DAB1: variants seen among roughly 807,000 people sequenced by gnomAD.
DAB1 encodes disabled homolog 1.
A neutral mutation model predicts 64.6 loss-of-function variants in DAB1; 15 were observed. The ratio of observed to expected loss-of-function variants is 0.23; its 90% CI spans 0.16 to 0.36. The LOEUF is 0.36. DAB1 is among the 10% of genes least tolerant of loss of function. The pLI, the probability that DAB1 is intolerant of heterozygous loss-of-function variation, is 1.00. For synonymous variants in DAB1, 235 were observed against 251.9 expected, an observed-to-expected ratio of 0.93 and a Z score of 0.64; for missense variants, 596 against 706.7, an observed-to-expected ratio of 0.84 and a Z score of 1.78.
chr1:58,024,523 T>C (rs1479529122), intron 5 of DAB1, among the ~76,000 whole-genome samples: 1 of 152,228 alleles, frequency 6.6e-6, no homozygotes, highest in Non-Finnish European at 1.5e-5. Context: ...GCAAACATTC[T>C]ATACACCCAC....
chr1:57,816,895 CAA>C (rs1232795798), intron 6 of DAB1, among the ~76,000 whole-genome samples: 9 of 152,184 alleles, frequency 5.9e-5, no homozygotes, highest in African/African-American at 1.9e-4. Context: ...GAGCAGTAAA[CAA>C]AAGTGTCCTT....
rs1364936911 is a variant in DAB1 at position 57,200,586 on chromosome 1, G to A, written c.68-55157C>T. On this transcript the variant is annotated intron_variant, in intron 2 of 14. Transcript: ENST00000371236. ...CTTTCTGGGTGTCAGTTTCCTCATA[G>A]GAGTGTGGTGAGGTCTAAATGAGTT... Among the ~76,000 whole-genome samples the A allele has an allele frequency of 3.4e-5, 5 of 148,024 alleles. No individual in the cohort carries two copies. The East Asian group carries it at 1.0e-3, about 30-fold the overall frequency.
At chr1:57,055,319 T>C (rs1164141009) in intron 9 of DAB1, among the ~76,000 whole-genome samples, 1 of 152,072 alleles carries the variant, frequency 6.6e-6, no homozygotes, top group Non-Finnish European at 1.5e-5. Flanking sequence ...TGAGAACAAA[T>C]CTGCTAGAAA....
chr1:58,063,709 C>A (rs1648657379), intron 5 of DAB1, among the ~76,000 whole-genome samples: 1 of 152,186 alleles, frequency 6.6e-6, no homozygotes, highest in Non-Finnish European at 1.5e-5. Context: ...GCTTTCCCTG[C>A]ATTATCTTGC....
At chr1:58,505,078 G>C (rs1434449895) in intron 3 of DAB1, among the ~76,000 whole-genome samples, 1 of 151,834 alleles carries the variant, frequency 6.6e-6, no homozygotes, top group South Asian at 2.1e-4. Flanking sequence ...TCAATCTCCC[G>C]AGTAGCTGGG....
intron 7 of DAB1, among the ~76,000 whole-genome samples, chr1:57,520,742 A>T (rs1171215068): frequency 6.6e-6 from 1 of 152,124 alleles, no homozygotes. Flanking sequence ...CAATCAAAAG[A>T]GTAAATTACA....
intron 4 of DAB1, among the ~76,000 whole-genome samples, chr1:57,106,266 C>CA (rs1553142609): frequency 2.0e-5 from 3 of 151,164 alleles, no homozygotes; most frequent in Non-Finnish European, 4.4e-5. Flanking sequence ...CACCCCCCCC[C>CA]ATCAGTATTA....
intron 7 of DAB1, among the ~76,000 whole-genome samples, chr1:57,594,437 G>A (rs1171634680): frequency 2.0e-5 from 3 of 152,052 alleles, no homozygotes; most frequent in Non-Finnish European, 4.4e-5. Context: ...CTTTAGAACC[G>A]GATTGAGACC....
At chr1:58,111,887 C>T in intron 5 of DAB1, among the ~76,000 whole-genome samples, 1 of 152,120 alleles carries the variant, frequency 6.6e-6, no homozygotes, top group Non-Finnish European at 1.5e-5. Context: ...GGAAGTTGTA[C>T]CAGTTCCTTG....
chr1:57,963,403 C>T (rs578051095), intron 5 of DAB1, among the ~76,000 whole-genome samples: 60 of 152,232 alleles, frequency 3.9e-4, no homozygotes, highest in African/African-American at 1.3e-3. Flanking sequence ...TTCACATGAA[C>T]CTCTGCTTCT....
In DAB1 at chr1:58,390,625, C is replaced by T. The variant is rs929359939; in HGVS notation, n.258-47222G>A. On this transcript the variant is annotated intron_variant and non_coding_transcript_variant, in intron 3 of 20. Coordinates refer to the DAB1 transcript ENST00000485760. ...TGGTGTCCTCTAGCTTTTTGTGAAACAAAAATAAAAAAGCAATAATAAATG... is the reference window on the plus strand; with the variant it reads ...TGGTGTCCTCTAGCTTTTTGTGAAATAAAAATAAAAAAGCAATAATAAATG... 5.3e-5 allele frequency among the ~76,000 whole-genome samples: 8 copies of T among 152,098 alleles called. No homozygotes were observed. In the Middle Eastern group the frequency reaches 0.014, roughly 259 times the overall value.
intron 1 of DAB1, among the ~76,000 whole-genome samples, chr1:57,363,872 C>T (rs544369063): frequency 6.6e-6 from 1 of 152,272 alleles, no homozygotes; most frequent in East Asian, 1.9e-4. Context: ...CAGACATGCC[C>T]CAGCACAGCA....
At chr1:58,082,540 A>C (rs1650059999) in intron 5 of DAB1, among the ~76,000 whole-genome samples, 1 of 152,176 alleles carries the variant, frequency 6.6e-6, no homozygotes, top group South Asian at 2.1e-4. Context: ...GAAGGACTCC[A>C]AGGGTGCAAT....
chr1:57,107,308 G>T (rs1244436199), intron 4 of DAB1, among the ~76,000 whole-genome samples: 2 of 151,712 alleles, frequency 1.3e-5, no homozygotes, highest in Non-Finnish European at 2.9e-5. Flanking sequence ...CGGGGAGGCG[G>T]AAGTTGCAGT....
At chr1:58,398,411 C>T (rs942876156) in intron 3 of DAB1, among the ~76,000 whole-genome samples, 2 of 152,214 alleles carry the variant, frequency 1.3e-5, no homozygotes, top group East Asian at 1.9e-4. Context: ...GTCCTCTCCA[C>T]GTTAGAGACG....
intron 5 of DAB1, among the ~76,000 whole-genome samples, chr1:58,076,979 T>C (rs1649691571): frequency 6.6e-6 from 1 of 152,106 alleles, no homozygotes; most frequent in Admixed American, 6.5e-5. Flanking sequence ...CTAAGGATGG[T>C]CCTCCTAACA....
Position 57,286,188 on chromosome 1 carries a change from G to A in DAB1, c.67+4776C>T, listed in dbSNP as rs541249820. Among the ~76,000 whole-genome samples, 11 of 152,150 alleles carry A rather than the reference G, an allele frequency of 7.2e-5. No homozygotes were observed. The South Asian group carries it at 8.3e-4, about 11-fold the overall frequency. On this transcript the variant is annotated intron_variant, in intron 2 of 14. Transcript: ENST00000371236. Reference sequence around the variant, plus strand: ...CCCTATGTGACTTGTATTTGAAACCGTCTGGCTTGCTTTCAACAGCCTGGG... The same window carrying A: ...CCCTATGTGACTTGTATTTGAAACCATCTGGCTTGCTTTCAACAGCCTGGG...
In DAB1 at chr1:58,230,585, T is replaced by A. The variant is rs114945713; in HGVS notation, n.310-79997A>T. On this transcript the variant is annotated intron_variant and non_coding_transcript_variant, in intron 4 of 20. Transcript: ENST00000485760. ...TGATACAAAGGACAAAGGGGCACCCTCTTACAAGGATTCCTTAGAAGTAGA... is the reference window on the plus strand; with the variant it reads ...TGATACAAAGGACAAAGGGGCACCCACTTACAAGGATTCCTTAGAAGTAGA... Among the ~76,000 whole-genome samples, 998 of 152,290 alleles carry A rather than the reference T, an allele frequency of 6.6e-3. 6 individuals are homozygous for A. Among genetic ancestry groups the A allele is most frequent in the Non-Finnish European group, 0.011 (743 of 68,018 alleles).
At chr1:58,292,379 G>A (rs1661864543) in intron 4 of DAB1, among the ~76,000 whole-genome samples, 1 of 152,158 alleles carries the variant, frequency 6.6e-6, no homozygotes, top group Non-Finnish European at 1.5e-5. Context: ...CATCAAAACT[G>A]TTAAAATATT....
Sources: allele counts gnomAD v4.1 joint callset (sites outside exome capture counted in the v4.1 genomes callset), GRCh38; gene constraint gnomAD v4.1.1; transcripts MANE v1.5; gene names NCBI Gene and HGNC (gene_info 2026-07-23, HGNC 2026-07-21).